PVT1: variants seen among roughly 807,000 people sequenced by gnomAD.
PVT1 encodes the protein CXCR4/PVT1 fusion.
At chr8:127,964,050 G>T (rs1489171379) in intron 3 of PVT1, among the ~76,000 whole-genome samples, 2 of 152,254 alleles carry the variant, frequency 1.3e-5, no homozygotes, top group African/African-American at 4.8e-5. Flanking sequence ...CACAGGGACT[G>T]CGAAGGCTTA....
chr8:127,959,622 TA>T (rs1816615117), intron 3 of PVT1, among the ~76,000 whole-genome samples: 2 of 142,266 alleles, frequency 1.4e-5, no homozygotes, highest in African/African-American at 5.1e-5. Context: ...ACCCAGTGCC[TA>T]CCCTTAAAGG....
At chr8:127,937,580 C>CACACAGAG (rs59006608) in intron 3 of PVT1, among the ~76,000 whole-genome samples, 79 of 107,860 alleles carry the variant, frequency 7.3e-4, no homozygotes, top group East Asian at 5.1e-3. Context: ...CACACACACA[C>CACACAGAG]AGAGAGAGAG....
chr8:127,850,874 G>A, intron 2 of PVT1, among the ~76,000 whole-genome samples: 1 of 152,046 alleles, frequency 6.6e-6, no homozygotes. Flanking sequence ...CAAAAAGTAG[G>A]TGGGCGCCTG....
intron 2 of PVT1, among the ~76,000 whole-genome samples, chr8:127,836,076 C>G (rs1392636647): frequency 6.6e-6 from 1 of 152,102 alleles, no homozygotes; most frequent in Non-Finnish European, 1.5e-5. Context: ...CTCAGACCAC[C>G]CCTTCTAATA....
At chr8:127,932,750 A>G in intron 3 of PVT1, 1 of 274,534 alleles carries the variant, frequency 3.6e-6, no homozygotes, top group Non-Finnish European at 6.0e-6. Context: ...TTTTTATCTC[A>G]ATAAGCTGAT....
At chr8:127,862,365 A>T (rs1452118320) in intron 2 of PVT1, among the ~76,000 whole-genome samples, 2 of 151,966 alleles carry the variant, frequency 1.3e-5, no homozygotes, top group Non-Finnish European at 2.9e-5. Context: ...CTGAGATCAT[A>T]CCACTGCACT....
intron 4 of PVT1, among the ~76,000 whole-genome samples, chr8:128,005,170 T>C (rs1329452979): frequency 6.6e-6 from 1 of 152,134 alleles, no homozygotes; most frequent in Non-Finnish European, 1.5e-5. Flanking sequence ...ACACAAAGGT[T>C]GGCAACTATC....
rs550568975 is a variant in PVT1 at position 127,910,519 on chromosome 8, T to G, written n.782+19521T>G. On this transcript the variant is annotated intron_variant and non_coding_transcript_variant, in intron 3 of 10. Transcript: ENST00000651587. ...CCTTCTTTTCTTTATGGCCTTTCCTTGGTAAATCTCTGTGTGATTGATAAC... is the reference window on the plus strand; with the variant it reads ...CCTTCTTTTCTTTATGGCCTTTCCTGGGTAAATCTCTGTGTGATTGATAAC... Among the ~76,000 whole-genome samples the G allele has an allele frequency of 3.3e-4, 51 of 152,336 alleles. No homozygotes were observed. In the Middle Eastern group the frequency reaches 0.017, roughly 51 times the overall value.
At chr8:128,038,151 C>T (rs896433291) in intron 4 of PVT1, among the ~76,000 whole-genome samples, 2 of 152,186 alleles carry the variant, frequency 1.3e-5, no homozygotes, top group Middle Eastern at 3.4e-3. Flanking sequence ...CTTGACCCTT[C>T]GAAAAATAGA....
chr8:128,085,432 A>T (rs1221351465), intron 5 of PVT1, among the ~76,000 whole-genome samples: 2 of 152,236 alleles, frequency 1.3e-5, no homozygotes, highest in Non-Finnish European at 2.9e-5. Flanking sequence ...AATCCACAAT[A>T]GTAATGAGAA....
intron 4 of PVT1, among the ~76,000 whole-genome samples, chr8:128,055,186 C>A (rs1342631468): frequency 7.4e-6 from 1 of 135,214 alleles, no homozygotes; most frequent in South Asian, 2.8e-4. Context: ...CACACACCCA[C>A]ATACACACAC....
intron 4 of PVT1, among the ~76,000 whole-genome samples, chr8:127,992,180 G>A (rs958436432): frequency 2.0e-5 from 3 of 152,152 alleles, no homozygotes; most frequent in Non-Finnish European, 4.4e-5. Flanking sequence ...GAGGCCAGGA[G>A]TTCGAGACCA....
chr8:127,808,603 A>G lies in PVT1; in HGVS notation n.372+12532A>G, dbSNP rs931884812. 7.2e-5 allele frequency among the ~76,000 whole-genome samples: 11 copies of G among 152,292 alleles called. No homozygotes were observed. The East Asian group carries it at 1.4e-3, about 19-fold the overall frequency. ...GATTTGATTGACCTTTTTGTTGGGT[A>G]GATGGTGGATCAACGGAAGCAGGTG... is the stretch of plus-strand genomic sequence containing the variant. On this transcript the variant is annotated intron_variant and non_coding_transcript_variant, in intron 2 of 10. Coordinates refer to ENST00000651587, the Ensembl canonical transcript of PVT1.
intron 3 of PVT1, among the ~76,000 whole-genome samples, chr8:127,962,155 C>T (rs752469251): frequency 1.3e-4 from 20 of 152,274 alleles, no homozygotes; most frequent in Admixed American, 2.6e-4. Context: ...TCAGTACAGA[C>T]GGGGTTTCAC....
At chr8:127,928,895 T>G (rs1481289084) in intron 3 of PVT1, among the ~76,000 whole-genome samples, 1 of 152,228 alleles carries the variant, frequency 6.6e-6, no homozygotes, top group African/African-American at 2.4e-5. Flanking sequence ...AAAGTCAGCC[T>G]TTCAAGTGAT....
At chr8:128,095,509 C>T (rs1563685734) in intron 5 of PVT1, among the ~76,000 whole-genome samples, 1 of 152,200 alleles carries the variant, frequency 6.6e-6, no homozygotes, top group Non-Finnish European at 1.5e-5. Flanking sequence ...CTGTACTCAA[C>T]CAGGAATTGG....
chr8:127,834,545 G>T lies in PVT1; in HGVS notation n.372+38474G>T, dbSNP rs186664690. On this transcript the variant is annotated intron_variant and non_coding_transcript_variant, in intron 2 of 10. Coordinates refer to ENST00000651587, the Ensembl canonical transcript of PVT1. ...CATGACTAAAACACCAAAAGCAATG[G>T]CAACAAAAGCCAGAATTGACAAATG... 7.2e-3 allele frequency among the ~76,000 whole-genome samples: 1,099 copies of T among 152,220 alleles called. 20 individuals are homozygous for T. The highest frequency in any genetic ancestry group is 0.025 in the African/African-American group (1,033 of 41,534).
At chr8:127,804,432 A>G (rs1814503117) in intron 2 of PVT1, among the ~76,000 whole-genome samples, 1 of 152,032 alleles carries the variant, frequency 6.6e-6, no homozygotes, top group South Asian at 2.1e-4. Context: ...TGGCCTCCCA[A>G]AGTGTTGAGA....
chr8:127,975,184 G>A lies in PVT1; in HGVS notation n.783-13978G>A, dbSNP rs189281713. Among the ~76,000 whole-genome samples the A allele has an allele frequency of 6.8e-3, 1,035 of 152,216 alleles. 3 individuals are homozygous for A. Among genetic ancestry groups the A allele is most frequent in the Non-Finnish European group, 0.011 (740 of 68,022 alleles). On this transcript the variant is annotated intron_variant and non_coding_transcript_variant, in intron 3 of 10. Coordinates refer to ENST00000651587, the Ensembl canonical transcript of PVT1. ...AATCTTTTGGACAGATTCTCAGCAG[G>A]ATTATTGAGTCAAAGGGCACAGTTT...
Sources: gnomAD v4.1 joint callset for allele counts (sites outside exome capture counted in the v4.1 genomes callset) on GRCh38, gnomAD v4.1.1 for gene constraint, MANE v1.5 for transcripts, NCBI Gene and HGNC (gene_info 2026-07-23, HGNC 2026-07-21) for gene names.